XKR4: variants seen among roughly 807,000 people sequenced by gnomAD.
XKR4 encodes XK related 4.
XKR4 carries 12 observed loss-of-function variants against 53.9 expected under a neutral mutation model. That is an observed-to-expected ratio of 0.22 (90% CI 0.14 to 0.36). The LOEUF (loss-of-function observed/expected upper bound fraction) is 0.36. Ranked by LOEUF, XKR4 falls within the 10% of genes least tolerant of loss-of-function variation. The probability of loss-of-function intolerance (pLI) is 1.00; values close to 1 mark genes in which losing one functional copy is unlikely to be tolerated. For missense variants in XKR4, 799 were observed against 859.5 expected (o/e 0.93, Z 0.88); for synonymous variants, 354 against 362.4 (o/e 0.98, Z 0.26).
chr8:55,121,884 C>G (rs1327845209), intron 1 of XKR4, among the ~76,000 whole-genome samples: 1 of 151,858 alleles, frequency 6.6e-6, no homozygotes, highest in East Asian at 1.9e-4. Context: ...TACTTTGGAG[C>G]TCTGCCTGAG....
intron 1 of XKR4, among the ~76,000 whole-genome samples, chr8:55,345,538 A>G (rs1803623689): frequency 6.6e-6 from 1 of 152,200 alleles, no homozygotes; most frequent in Non-Finnish European, 1.5e-5. Context: ...ATGCAGAGAA[A>G]CCTAAAGCCT....
chr8:55,220,396 T>C (rs930452155), intron 1 of XKR4, among the ~76,000 whole-genome samples: 4 of 152,230 alleles, frequency 2.6e-5, no homozygotes, highest in African/African-American at 9.6e-5. Flanking sequence ...AAACATCTTA[T>C]ATAAATGCTG....
Position 55,452,455 on chromosome 8 carries a change from C to T in XKR4, c.1007-70826C>T, listed in dbSNP as rs73591686. 5.7e-4 allele frequency: 360 copies of T among 626,282 alleles called. 1 individual carries two copies. In the African/African-American group the frequency reaches 5.9e-3, roughly 10 times the overall value. The allele number at this position is 626,282 out of a possible 1,614,324, so 38.8% of individuals were successfully genotyped here. On this transcript the variant is annotated intron_variant, in intron 2 of 2. Coordinates refer to ENST00000327381, the MANE Select transcript of XKR4 (RefSeq NM_052898.2). ...CACCCCGCACTGCCCGCCCTCGCAC[C>T]CTCCTCACGCCCATCCGGTGGCAGG...
intron 1 of XKR4, among the ~76,000 whole-genome samples, chr8:55,170,774 C>T (rs1817146269): frequency 6.6e-6 from 1 of 152,134 alleles, no homozygotes; most frequent in African/African-American, 2.4e-5. Context: ...AAAGATGGAT[C>T]ACTTAGGCCC....
intron 1 of XKR4, among the ~76,000 whole-genome samples, chr8:55,129,664 T>A (rs566881424): frequency 6.6e-6 from 1 of 152,274 alleles, no homozygotes; most frequent in East Asian, 1.9e-4. Context: ...GGAATATAGG[T>A]CCAGGAAGGT....
In XKR4 at chr8:55,439,998, C is replaced by A. The variant is rs78130865; in HGVS notation, c.1006+82121C>A. ...CTGTAGGATGCAGAGAAGGATGAAG[C>A]CAGATTTTTACAAAGAAATGAGTTT... On this transcript the variant is annotated intron_variant, in intron 2 of 2. Transcript: ENST00000327381. Among the ~76,000 whole-genome samples, 17 of 152,128 alleles carry A rather than the reference C, an allele frequency of 1.1e-4. No homozygotes were observed. In the East Asian group the frequency reaches 3.3e-3, roughly 29 times the overall value.
chr8:55,511,451 C>A (rs907255595), intron 2 of XKR4, among the ~76,000 whole-genome samples: 1 of 152,164 alleles, frequency 6.6e-6, no homozygotes, highest in African/African-American at 2.4e-5. Context: ...TTCCCCCAAC[C>A]AGCCCCTTGC....
chr8:55,135,495 C>A lies in XKR4; in HGVS notation c.806+32201C>A, dbSNP rs551260351. 7 of 421,198 alleles carry A rather than the reference C, an allele frequency of 1.7e-5. No individual in the cohort carries two copies. In the East Asian group the frequency reaches 4.3e-4, roughly 26 times the overall value. 26.1% of individuals were successfully genotyped at this position (421,198 alleles called of 1,614,324 possible). A position where few individuals can be genotyped will look rare whatever the true frequency, so the allele number is the denominator to read the frequency against. ...TCATATCTGAATCGGTGGCTTCACT[C>A]TTTGTCCATCTGTAATGTTAACTCT... On this transcript the variant is annotated intron_variant, in intron 1 of 2. Coordinates refer to ENST00000327381, the MANE Select transcript of XKR4 (RefSeq NM_052898.2).
intron 1 of XKR4, among the ~76,000 whole-genome samples, chr8:55,271,347 T>C (rs886704067): frequency 1.3e-5 from 2 of 152,148 alleles, no homozygotes; most frequent in Admixed American, 6.6e-5. Flanking sequence ...CTAAATAAAT[T>C]TGACCCTAGG....
At chr8:55,126,239 G>C (rs988957297) in intron 1 of XKR4, among the ~76,000 whole-genome samples, 1 of 152,204 alleles carries the variant, frequency 6.6e-6, no homozygotes, top group Non-Finnish European at 1.5e-5. Context: ...ATGATGAAGT[G>C]AGCAAGTTAA....
intron 1 of XKR4, among the ~76,000 whole-genome samples, chr8:55,222,657 C>T (rs1817897500): frequency 6.6e-6 from 1 of 152,134 alleles, no homozygotes. Context: ...AGAACTTTGT[C>T]TTATTCACGA....
At chr8:55,265,844 G>A (rs1585976257) in intron 1 of XKR4, among the ~76,000 whole-genome samples, 1 of 151,822 alleles carries the variant, frequency 6.6e-6, no homozygotes, top group Non-Finnish European at 1.5e-5. Context: ...AATTAGCTGG[G>A]TGTGGTGGCA....
At chr8:55,176,790 T>C (rs560334532) in intron 1 of XKR4, among the ~76,000 whole-genome samples, 1 of 152,240 alleles carries the variant, frequency 6.6e-6, no homozygotes, top group Admixed American at 6.5e-5. Context: ...AATGAACTAA[T>C]GATTGCATGA....
intron 2 of XKR4, among the ~76,000 whole-genome samples, chr8:55,455,521 A>G (rs1325506006): frequency 6.6e-6 from 1 of 152,212 alleles, no homozygotes; most frequent in Non-Finnish European, 1.5e-5. Flanking sequence ...AAAATACTAT[A>G]GCCTTCCTCG....
intron 2 of XKR4, among the ~76,000 whole-genome samples, chr8:55,461,800 C>A (rs1021963982): frequency 6.6e-6 from 1 of 152,168 alleles, no homozygotes; most frequent in Admixed American, 6.5e-5. Flanking sequence ...GAGCTGAAAA[C>A]CAAGGCACGA....
At chr8:55,249,747 T>C (rs1024576014) in intron 1 of XKR4, among the ~76,000 whole-genome samples, 3 of 152,242 alleles carry the variant, frequency 2.0e-5, no homozygotes. Context: ...GTAGCCATAC[T>C]CAAATTTAGA....
chr8:55,458,338 G>T (rs1403737913), intron 2 of XKR4, among the ~76,000 whole-genome samples: 1 of 152,244 alleles, frequency 6.6e-6, no homozygotes, highest in African/African-American at 2.4e-5. Context: ...AGGTGCAGAG[G>T]CTAGGATGAG....
intron 2 of XKR4, among the ~76,000 whole-genome samples, chr8:55,494,646 T>C (rs1806316253): frequency 6.6e-6 from 1 of 152,130 alleles, no homozygotes; most frequent in African/African-American, 2.4e-5. Flanking sequence ...GTAACTCCTC[T>C]CTGTGAGCAG....
chr8:55,318,965 A>G (rs1205969205), intron 1 of XKR4, among the ~76,000 whole-genome samples: 2 of 152,192 alleles, frequency 1.3e-5, no homozygotes, highest in Non-Finnish European at 2.9e-5. Context: ...CAGGATAGCA[A>G]TGTTCTAGTA....
Sources: gnomAD v4.1 joint callset for allele counts (sites outside exome capture counted in the v4.1 genomes callset) on GRCh38, gnomAD v4.1.1 for gene constraint, MANE v1.5 for transcripts, NCBI Gene and HGNC (gene_info 2026-07-23, HGNC 2026-07-21) for gene names.